KIDINS220: variants seen among roughly 807,000 people sequenced by gnomAD.
KIDINS220 encodes the protein kinase D-interacting substrate of 220 kDa.
In KIDINS220, 63 loss-of-function variants were observed where a neutral mutation model predicts 157.6. The ratio of observed to expected loss-of-function variants is 0.40; its 90% confidence interval spans 0.33 to 0.49. KIDINS220 has a LOEUF of 0.49. Ranked by LOEUF, KIDINS220 falls within the 20% of genes least tolerant of loss-of-function variation. The probability of loss-of-function intolerance (pLI) is 0.66; values close to 1 mark genes in which losing one functional copy is unlikely to be tolerated. For missense variants in KIDINS220, 1,772 were observed against 2,171.2 expected (o/e 0.82, Z 3.65); for synonymous variants, 732 against 783.6 (o/e 0.93, Z 1.10).
intron 26 of KIDINS220, among the ~76,000 whole-genome samples, chr2:8,740,362 C>T (rs969067037): frequency 6.6e-6 from 1 of 152,162 alleles, no homozygotes; most frequent in African/African-American, 2.4e-5. Context: ...CACACACACC[C>T]CCAACCACAG....
chr2:8,826,848 A>T, intron 2 of KIDINS220, 138 bp downstream of exon 2: 1 of 409,896 alleles, frequency 2.4e-6, no homozygotes, highest in Admixed American at 4.1e-5. Flanking sequence ...ACTTTTAACT[A>T]TAAGACATTC....
chr2:8,780,469 T>A (rs1290543572), intron 17 of KIDINS220, among the ~76,000 whole-genome samples: 1 of 152,018 alleles, frequency 6.6e-6, no homozygotes, highest in African/African-American at 2.4e-5. Flanking sequence ...TGTAAACACT[T>A]TGGAAGTGGC....
intron 11 of KIDINS220, 129 bp from the exon 12 acceptor site, chr2:8,794,116 A>G (rs2148290575): frequency 4.7e-6 from 3 of 634,750 alleles, no homozygotes; most frequent in Non-Finnish European, 7.5e-6. Flanking sequence ...AAGCACATAT[A>G]TAATATGAAT....
chr2:8,722,668 G>T (rs1663028530), downstream of KIDINS220: 1 of 152,210 alleles, frequency 6.6e-6, no homozygotes, highest in Admixed American at 6.5e-5. Flanking sequence ...TGGGTTTGAT[G>T]ATCTGAGAGT....
At position 8,785,898 on chromosome 2, in the gene KIDINS220, G is replaced by C. The variant is rs1672334242; in HGVS notation, c.2072C>G (p.Ala691Gly). ...TACAGATGCGATTGATATGAGGACA[G>C]CATTTACAGTCAGATGCTTTGGGTC... ...RVDPKHLTVN[A>G]VLISIASVVG... Residue 691 changes from alanine to glycine, a missense_variant, in exon 17 of 30, where the codon GCT becomes GGT. Around this residue, in one of 3 missense-constraint regions of KIDINS220, gnomAD observed 725 missense variants for 1,017.1 expected, o/e 0.71. Transcript: ENST00000256707. 1 of 1,614,044 alleles carries C rather than the reference G, an allele frequency of 6.2e-7. No homozygotes were observed. The highest frequency in any genetic ancestry group is 1.3e-5 in the African/African-American group (1 of 74,912).
chr2:8,761,085 T>G (rs1668686205), intron 22 of KIDINS220, among the ~76,000 whole-genome samples: 1 of 152,208 alleles, frequency 6.6e-6, no homozygotes, highest in Non-Finnish European at 1.5e-5. Flanking sequence ...TATTTTAAAA[T>G]GTTCCGACAA....
Position 8,813,298 on chromosome 2 carries a change from C to T in KIDINS220, c.344G>A (p.Gly115Asp). ...WTALMWACYK[G>D]RTDVVELLLS... Reference sequence around the variant, plus strand: ...AAGCAACTCTACTACGTCAGTACGGCCTTTGTAACATGCCCACATAAGAGC... The same window carrying T: ...AAGCAACTCTACTACGTCAGTACGGTCTTTGTAACATGCCCACATAAGAGC... The change falls in exon 5 of 30, where the codon GGC becomes GAC. Residue 115 changes from glycine (G) to aspartate (D), a missense_variant. Gly to Asp is a moderately conservative substitution (Grantham distance 94). Coordinates refer to ENST00000256707, the MANE Select transcript of KIDINS220 (RefSeq NM_020738.4). 1.2e-6 allele frequency: 2 copies of T among 1,613,404 alleles called. No homozygotes were observed. The highest frequency in any genetic ancestry group is 1.7e-6 in the Non-Finnish European group (2 of 1,179,762).
At chr2:8,795,039 A>G (rs1184013461) in intron 11 of KIDINS220, among the ~76,000 whole-genome samples, 6 of 152,240 alleles carry the variant, frequency 3.9e-5, no homozygotes, top group Non-Finnish European at 5.9e-5. Context: ...GAGACTGGAT[A>G]AACATGCACA....
intron 6 of KIDINS220, among the ~76,000 whole-genome samples, chr2:8,808,775 T>C (rs891428725): frequency 6.6e-6 from 1 of 152,240 alleles, no homozygotes; most frequent in East Asian, 1.9e-4. Flanking sequence ...CTCTTCCTAA[T>C]AGGTCTCTGA....
chr2:8,822,386 G>A (rs1323207586), intron 2 of KIDINS220, among the ~76,000 whole-genome samples: 1 of 152,174 alleles, frequency 6.6e-6, no homozygotes, highest in Non-Finnish European at 1.5e-5. Context: ...CACTTTGGGA[G>A]GCTGAGGCAG....
chr2:8,737,436 T>C (rs1047132900), intron 26 of KIDINS220: 11 of 156,250 alleles, frequency 7.0e-5, no homozygotes, highest in Non-Finnish European at 1.6e-4. Flanking sequence ...GTACCTATAC[T>C]AGACAATTAA....
Position 8,776,830 on chromosome 2 carries a change from T to C in KIDINS220, c.2766A>G (p.Thr922=), listed in dbSNP as rs1016138614. The C allele has an allele frequency of 1.9e-6, 3 of 1,614,016 alleles. No homozygotes were observed. The highest frequency in any genetic ancestry group is 1.7e-6 in the Non-Finnish European group (2 of 1,179,988). ...TITRQMSFDL[T]KLLVTEDWFS... ...ACCAGTCCTCGGTAACCAGCAGTTT[T>C]GTAAGATCAAAGGACATCTGGCGAG... The change falls in exon 21 of 30, where the codon ACA becomes ACG. Residue 922 remains threonine (T), a synonymous_variant. Transcript: ENST00000256707.
intron 17 of KIDINS220, among the ~76,000 whole-genome samples, chr2:8,782,905 C>T (rs1038637412): frequency 6.6e-6 from 1 of 152,082 alleles, no homozygotes; most frequent in Non-Finnish European, 1.5e-5. Flanking sequence ...ATCACTTCAA[C>T]AGACTAGGCT....
chr2:8,796,689 G>T, intron 11 of KIDINS220, 82 bp downstream of exon 11: 1 of 1,038,100 alleles, frequency 9.6e-7, no homozygotes, highest in Non-Finnish European at 1.5e-6. Flanking sequence ...CCTAAAATCA[G>T]ATCCCCATTA....
At chr2:8,723,450 A>T (rs1663086533), downstream of KIDINS220, 1 of 152,248 alleles carries the variant, frequency 6.6e-6, no homozygotes, top group Non-Finnish European at 1.5e-5. Flanking sequence ...AAATGTATTC[A>T]GTCGATTAGA....
At chr2:8,820,254 A>G (rs1677737940) in intron 2 of KIDINS220, among the ~76,000 whole-genome samples, 1 of 152,176 alleles carries the variant, frequency 6.6e-6, no homozygotes, top group Non-Finnish European at 1.5e-5. Context: ...CTTGTTTGTA[A>G]CCACATTTTC....
chr2:8,729,769 C>A lies in KIDINS220; in HGVS notation c.*951G>T. On this transcript the variant is annotated 3_prime_UTR_variant, in exon 30 of 30. Coordinates refer to ENST00000256707, the MANE Select transcript of KIDINS220 (RefSeq NM_020738.4). ...TTTACCTAATTAAATATTTCCTTGTCATTTATCAATTGTCACTGACCTTTT... is the reference window on the plus strand; with the variant it reads ...TTTACCTAATTAAATATTTCCTTGTAATTTATCAATTGTCACTGACCTTTT... 2.0e-6 allele frequency: 2 copies of A among 982,766 alleles called. No individual in the cohort carries two copies. The highest frequency in any genetic ancestry group is 2.4e-6 in the Non-Finnish European group (2 of 827,504). 60.9% of individuals were successfully genotyped at this position (982,766 alleles called of 1,614,324 possible). A position where few individuals can be genotyped will look rare whatever the true frequency, so the allele number is the denominator to read the frequency against.
chr2:8,785,998 G>A lies in KIDINS220; in HGVS notation c.1972C>T (p.Pro658Ser). 1.2e-6 allele frequency: 2 copies of A among 1,609,744 alleles called. No homozygotes were observed. Among genetic ancestry groups the A allele is most frequent in the Non-Finnish European group, 1.7e-6 (2 of 1,178,552 alleles). ...ATAAAAAGGAAGATGACAAAAGATG[G>A]GAGACAACATGTTTTTTTCCATTTC... ...KKKWKKTCCL[P>S]SFVIFLFIIG... Residue 658 changes from proline to serine, a missense_variant, in exon 17 of 30, where the codon CCA (proline) becomes TCA (serine). Coordinates refer to ENST00000256707, the MANE Select transcript of KIDINS220 (RefSeq NM_020738.4).
chr2:8,731,666 A>G lies in KIDINS220; in HGVS notation c.4370T>C (p.Val1457Ala), dbSNP rs1558302403. ...RKSFLMKRGD[V>A]IDYSSSGVST... ...AACCCCTGATGATGAATAATCGATA[A>G]CATCTCCCCTCTTCATTAGAAAGGA... is the stretch of plus-strand genomic sequence containing the variant. The change falls in exon 30 of 30, where the codon GTT (valine) becomes GCT (alanine). Residue 1457 changes from valine to alanine, a missense_variant. Physicochemically the swap from Val to Ala is moderately conservative, Grantham distance 64 (BLOSUM62 0). Transcript: ENST00000256707. This position sits in a 1 kb window ranked among gnomAD's most constrained non-coding sequence, Gnocchi z 5.2. The G allele has an allele frequency of 1.2e-6, 2 of 1,614,206 alleles. No homozygotes were observed.
Sources: allele counts gnomAD v4.1 joint callset (sites outside exome capture counted in the v4.1 genomes callset), GRCh38; gene constraint gnomAD v4.1.1; regional missense constraint gnomAD v4.1.1; non-coding constraint Gnocchi (gnomAD v3.1); transcripts MANE v1.5; gene names NCBI Gene and HGNC (gene_info 2026-07-23, HGNC 2026-07-21).